SHISA6: variants seen among roughly 807,000 people sequenced by gnomAD.
SHISA6 encodes protein shisa-6.
In SHISA6, 22 loss-of-function variants were observed where a neutral mutation model predicts 47.9. The ratio of observed to expected loss-of-function variants is 0.46; its 90% CI spans 0.33 to 0.66. The LOEUF (loss-of-function observed/expected upper bound fraction) is 0.66. Ranked by LOEUF, SHISA6 falls within the 30% of genes least tolerant of loss-of-function variation. The pLI, the probability that SHISA6 is intolerant of heterozygous loss-of-function variation, is 0.02. For synonymous variants in SHISA6, 388 were observed against 337.8 expected, an observed-to-expected ratio of 1.15 and a Z score of -1.63; for missense variants, 680 against 764.6, an observed-to-expected ratio of 0.89 and a Z score of 1.30.
rs537280975 is a variant in SHISA6 at position 11,413,186 on chromosome 17, G to A, written c.895+33677G>A. Among the ~76,000 whole-genome samples the A allele has an allele frequency of 1.1e-4, 16 of 152,218 alleles. No homozygotes were observed. In the South Asian group the frequency reaches 1.2e-3, roughly 12 times the overall value. On this transcript the variant is annotated intron_variant, in intron 3 of 5. Transcript: ENST00000441885. ...AAATCCCAGGACACTATCTCCTTCC[G>A]GCATGTCATTCTGTGATTGCCATCA...
At chr17:11,409,081 CCT>C (rs1276905627) in intron 3 of SHISA6, among the ~76,000 whole-genome samples, 2 of 152,034 alleles carry the variant, frequency 1.3e-5, no homozygotes, top group African/African-American at 4.8e-5. Context: ...AAAAATTTAT[CCT>C]CTCAGAAATA....
intron 3 of SHISA6, among the ~76,000 whole-genome samples, chr17:11,507,202 AT>A (rs1412100012): frequency 4.6e-5 from 7 of 152,236 alleles, no homozygotes; most frequent in African/African-American, 1.7e-4. Flanking sequence ...AAATTGCTCA[AT>A]TAATATTGGT....
At chr17:11,350,174 A>ATTTTTTTTTT (rs1310542458) in intron 2 of SHISA6, among the ~76,000 whole-genome samples, 1 of 100,386 alleles carries the variant, frequency 1.0e-5, no homozygotes, top group African/African-American at 4.2e-5. Flanking sequence ...TTATTTATTT[A>ATTTTTTTTTT]TTTATTTATT....
intron 3 of SHISA6, among the ~76,000 whole-genome samples, chr17:11,421,443 G>A (rs1914448702): frequency 6.6e-6 from 1 of 152,156 alleles, no homozygotes. Context: ...GGGTTGTACA[G>A]TTCAAGGGCT....
intron 1 of SHISA6, among the ~76,000 whole-genome samples, chr17:11,254,452 G>A (rs542477154): frequency 6.6e-6 from 1 of 152,256 alleles, no homozygotes; most frequent in South Asian, 2.1e-4. Context: ...AGATAAGAAT[G>A]TTGTCTGCAA....
chr17:11,299,180 T>C (rs986493280), intron 2 of SHISA6, among the ~76,000 whole-genome samples: 4 of 152,222 alleles, frequency 2.6e-5, no homozygotes, highest in African/African-American at 9.6e-5. Context: ...TCTAGTACAT[T>C]CTATTCTCTG....
chr17:11,479,589 G>A (rs1916161816), intron 3 of SHISA6, among the ~76,000 whole-genome samples: 1 of 151,464 alleles, frequency 6.6e-6, no homozygotes. Context: ...TAACAAACCT[G>A]CATGTTCTGC....
At chr17:11,244,081 C>T (rs570619529) in intron 1 of SHISA6, among the ~76,000 whole-genome samples, 79 of 152,292 alleles carry the variant, frequency 5.2e-4, no homozygotes, top group Admixed American at 4.7e-3. Flanking sequence ...ATGCCCCTTA[C>T]GCCAAACTAG....
At chr17:11,450,356 G>A (rs1029479511) in intron 3 of SHISA6, among the ~76,000 whole-genome samples, 18 of 150,986 alleles carry the variant, frequency 1.2e-4, no homozygotes, top group African/African-American at 3.7e-4. Flanking sequence ...AATTCAATTC[G>A]TAACAAAGAG....
chr17:11,495,292 T>G (rs140434690), intron 3 of SHISA6, among the ~76,000 whole-genome samples: 2 of 152,342 alleles, frequency 1.3e-5, no homozygotes, highest in African/African-American at 4.8e-5. Flanking sequence ...AGCACTGCTC[T>G]GTTTTTTCCT....
intron 3 of SHISA6, among the ~76,000 whole-genome samples, chr17:11,521,822 G>A (rs1292016596): frequency 6.6e-6 from 1 of 151,954 alleles, no homozygotes; most frequent in African/African-American, 2.4e-5. Context: ...AGATAAACTA[G>A]CTAGACTATA....
chr17:11,332,343 G>C (rs1167898856), intron 2 of SHISA6, among the ~76,000 whole-genome samples: 1 of 152,082 alleles, frequency 6.6e-6, no homozygotes, highest in East Asian at 1.9e-4. Flanking sequence ...CTGCTACCCT[G>C]CGTACCATAG....
At chr17:11,439,602 GTAAC>G (rs1344045893) in intron 3 of SHISA6, among the ~76,000 whole-genome samples, 6 of 152,098 alleles carry the variant, frequency 3.9e-5, no homozygotes, top group Non-Finnish European at 8.8e-5. Flanking sequence ...CTCAAGTTAA[GTAAC>G]TAAGTCCAAC....
intron 2 of SHISA6, among the ~76,000 whole-genome samples, chr17:11,361,665 G>A (rs1912291812): frequency 6.6e-6 from 1 of 152,202 alleles, no homozygotes; most frequent in South Asian, 2.1e-4. Flanking sequence ...CCTATGTGTG[G>A]ATAAAACATG....
intron 2 of SHISA6, among the ~76,000 whole-genome samples, chr17:11,310,344 A>G (rs867327695): frequency 1.3e-5 from 2 of 152,342 alleles, no homozygotes; most frequent in East Asian, 1.9e-4. Context: ...AGTCCATTGT[A>G]TAACTTCACA....
chr17:11,321,424 A>G (rs1291707441), intron 2 of SHISA6, among the ~76,000 whole-genome samples: 2 of 152,200 alleles, frequency 1.3e-5, no homozygotes, highest in East Asian at 3.8e-4. Flanking sequence ...TTGGCAACCA[A>G]CAATATTAGT....
At chr17:11,500,286 G>T (rs112871994) in intron 3 of SHISA6, among the ~76,000 whole-genome samples, 15 of 152,206 alleles carry the variant, frequency 9.9e-5, no homozygotes, top group African/African-American at 3.6e-4. Flanking sequence ...TGGAAAAGCA[G>T]CGTCGTGGTG....
intron 3 of SHISA6, among the ~76,000 whole-genome samples, chr17:11,511,570 C>G (rs1051194251): frequency 6.7e-6 from 1 of 150,008 alleles, no homozygotes; most frequent in Non-Finnish European, 1.5e-5. Context: ...GGTATAGCCC[C>G]CACCCCCCAA....
chr17:11,463,151 T>G (rs1474549518), intron 3 of SHISA6, among the ~76,000 whole-genome samples: 1 of 152,186 alleles, frequency 6.6e-6, no homozygotes, highest in Non-Finnish European at 1.5e-5. Context: ...AAAGGAAAAC[T>G]CGGGACCCTC....
Sources: gnomAD v4.1 joint callset for allele counts (sites outside exome capture counted in the v4.1 genomes callset) on GRCh38, gnomAD v4.1.1 for gene constraint, MANE v1.5 for transcripts, NCBI Gene and HGNC (gene_info 2026-07-23, HGNC 2026-07-21) for gene names.